Variants in EPHA6 observed in about 807,000 individuals in gnomAD.
The protein encoded by EPHA6 is ephrin type-A receptor 6.
Under a neutral mutation model 112.0 loss-of-function variants are expected in EPHA6, and 50 were observed. The observed-to-expected ratio is 0.45, with a 90% CI of 0.36 to 0.56. EPHA6 has a LOEUF of 0.56. Ranked by LOEUF, EPHA6 falls within the 20% of genes least tolerant of loss-of-function variation. EPHA6 has a pLI of 0.00. For synonymous variants in EPHA6, 529 were observed against 490.7 expected, an observed-to-expected ratio of 1.08 and a Z score of -1.03; for missense variants, 1,280 against 1,417.4, an observed-to-expected ratio of 0.90 and a Z score of 1.56.
At chr3:96,935,809 A>G (rs1168007360) in intron 2 of EPHA6, among the ~76,000 whole-genome samples, 2 of 150,790 alleles carry the variant, frequency 1.3e-5, no homozygotes, top group African/African-American at 4.9e-5. Flanking sequence ...TAATTTACAC[A>G]TGCCTATTTT....
intron 14 of EPHA6, among the ~76,000 whole-genome samples, chr3:97,698,043 C>G (rs977456290): frequency 3.9e-5 from 6 of 152,150 alleles, no homozygotes; most frequent in African/African-American, 1.4e-4. Flanking sequence ...ACTCTTGTTG[C>G]CCAGGCTGGA....
At chr3:97,455,153 G>A (rs563806605) in intron 7 of EPHA6, among the ~76,000 whole-genome samples, 2 of 152,046 alleles carry the variant, frequency 1.3e-5, no homozygotes, top group East Asian at 1.9e-4. Flanking sequence ...TTGGGAACCT[G>A]TTTAGCATGT....
At chr3:97,442,587 G>C (rs1390918870) in intron 6 of EPHA6, among the ~76,000 whole-genome samples, 1 of 152,092 alleles carries the variant, frequency 6.6e-6, no homozygotes, top group Non-Finnish European at 1.5e-5. Flanking sequence ...GAGAGAGAGA[G>C]AGACTGAAGA....
At chr3:97,680,875 A>C (rs2031806649) in intron 14 of EPHA6, among the ~76,000 whole-genome samples, 2 of 152,192 alleles carry the variant, frequency 1.3e-5, no homozygotes, top group South Asian at 4.1e-4. Context: ...ACAAGTAAAA[A>C]GTCTTTGTAC....
At chr3:97,596,775 T>C (rs1392804273) in intron 12 of EPHA6, among the ~76,000 whole-genome samples, 1 of 51,070 alleles carries the variant, frequency 2.0e-5, no homozygotes, top group Non-Finnish European at 3.3e-5. Flanking sequence ...GTAACTCATA[T>C]ACATATATAT....
intron 5 of EPHA6, among the ~76,000 whole-genome samples, chr3:97,323,157 A>T (rs1471696485): frequency 1.3e-5 from 2 of 151,954 alleles, no homozygotes. Flanking sequence ...AATGTCTCTG[A>T]CAAGATATAT....
At chr3:96,958,647 A>G (rs930724088) in intron 2 of EPHA6, among the ~76,000 whole-genome samples, 3 of 152,116 alleles carry the variant, frequency 2.0e-5, no homozygotes, top group Non-Finnish European at 2.9e-5. Context: ...TCCCATCTCA[A>G]GAACTAGACA....
chr3:96,833,323 A>G (rs2034203031), intron 1 of EPHA6, among the ~76,000 whole-genome samples: 1 of 151,596 alleles, frequency 6.6e-6, no homozygotes, highest in African/African-American at 2.4e-5. Flanking sequence ...AAATTGCCAG[A>G]AAGCCACACA....
chr3:97,355,558 A>T (rs2084027529), intron 5 of EPHA6, among the ~76,000 whole-genome samples: 1 of 152,216 alleles, frequency 6.6e-6, no homozygotes, highest in South Asian at 2.1e-4. Flanking sequence ...AGAAGTTAAA[A>T]CATACTGCTA....
At chr3:96,994,730 TATAGAGAGAG>T (rs1408488928) in intron 3 of EPHA6, among the ~76,000 whole-genome samples, 312 of 82,816 alleles carry the variant, frequency 3.8e-3, no homozygotes, top group Non-Finnish European at 4.1e-3. Context: ...TATATATATA[TATAGAGAGAG>T]AGAGAGAGAG....
chr3:97,109,461 G>A (rs183670051), intron 3 of EPHA6, among the ~76,000 whole-genome samples: 1 of 152,152 alleles, frequency 6.6e-6, no homozygotes, highest in Non-Finnish European at 1.5e-5. Context: ...AAGGAGAGTT[G>A]TGTTAAGGAT....
intron 6 of EPHA6, among the ~76,000 whole-genome samples, chr3:97,415,186 A>G (rs2088028741): frequency 6.6e-6 from 1 of 152,032 alleles, no homozygotes; most frequent in Admixed American, 6.6e-5. Flanking sequence ...TAGTTGAAAG[A>G]GTCATTAGGA....
At chr3:97,054,950 TAAA>T (rs2045805620) in intron 3 of EPHA6, among the ~76,000 whole-genome samples, 1 of 152,182 alleles carries the variant, frequency 6.6e-6, no homozygotes, top group Non-Finnish European at 1.5e-5. Context: ...GTTACTTTCT[TAAA>T]AATTTCCCCC....
chr3:97,440,041 T>G (rs2090054746), intron 6 of EPHA6, among the ~76,000 whole-genome samples: 1 of 152,118 alleles, frequency 6.6e-6, no homozygotes, highest in Non-Finnish European at 1.5e-5. Flanking sequence ...TTTGTTTTGT[T>G]TTTTGAGGGA....
intron 3 of EPHA6, among the ~76,000 whole-genome samples, chr3:97,074,566 G>A (rs1315044772): frequency 2.6e-5 from 4 of 151,706 alleles, no homozygotes; most frequent in Non-Finnish European, 5.9e-5. Flanking sequence ...TACTTTTAAT[G>A]CACCAAAGAT....
At position 97,443,319 on chromosome 3, in the gene EPHA6, G is replaced by A. The variant is rs372537596; in HGVS notation, c.1732-5249G>A. ...ACCTGTAGCTTCAGTCCTCTAGCCA[G>A]TAGAACAAGAGCTTTACCACTGTCT... On this transcript the variant is annotated intron_variant, in intron 6 of 17. Coordinates refer to ENST00000389672, the MANE Select transcript of EPHA6 (RefSeq NM_001080448.3). Among the ~76,000 whole-genome samples, 13 of 137,862 alleles carry A rather than the reference G, an allele frequency of 9.4e-5. No homozygotes were observed. In the East Asian group the frequency reaches 2.5e-3, roughly 26 times the overall value. The allele number at this position is 137,862 out of a possible 152,430, so 90.4% of individuals were successfully genotyped here. A position where few individuals can be genotyped will look rare whatever the true frequency, so the allele number is the denominator to read the frequency against.
chr3:97,369,798 A>G (rs2084948281), intron 5 of EPHA6, among the ~76,000 whole-genome samples: 1 of 152,176 alleles, frequency 6.6e-6, no homozygotes, highest in African/African-American at 2.4e-5. Flanking sequence ...AATAATATCT[A>G]GACTTATAGC....
At chr3:97,640,647 G>A (rs965885075) in intron 14 of EPHA6, among the ~76,000 whole-genome samples, 9 of 152,104 alleles carry the variant, frequency 5.9e-5, no homozygotes, top group African/African-American at 1.9e-4. Context: ...AGGCGTGGTG[G>A]CGCATGCCTG....
intron 11 of EPHA6, among the ~76,000 whole-genome samples, chr3:97,555,832 T>C (rs1447659656): frequency 6.6e-6 from 1 of 152,152 alleles, no homozygotes; most frequent in Non-Finnish European, 1.5e-5. Context: ...TATTAGCCCT[T>C]TGTCAGACGA....
Sources: allele counts gnomAD v4.1 joint callset (sites outside exome capture counted in the v4.1 genomes callset), GRCh38; gene constraint gnomAD v4.1.1; transcripts MANE v1.5; gene names NCBI Gene and HGNC (gene_info 2026-07-23, HGNC 2026-07-21).